Variants in TENM4 observed in about 807,000 individuals in gnomAD.
TENM4 encodes teneurin-4.
In TENM4, 82 loss-of-function variants were observed where a neutral mutation model predicts 243.3. The observed-to-expected ratio is 0.34, with a 90% CI of 0.28 to 0.40. The LOEUF (loss-of-function observed/expected upper bound fraction) is 0.40. Ranked by LOEUF, TENM4 falls within the 10% of genes least tolerant of loss-of-function variation. The probability of loss-of-function intolerance (pLI) is 1.00; values close to 1 mark genes in which losing one functional copy is unlikely to be tolerated. For missense variants in TENM4, 3,138 were observed against 3,673.3 expected (o/e 0.85, Z 3.77); for synonymous variants, 1,412 against 1,456.3 (o/e 0.97, Z 0.69).
chr11:79,016,623 C>T (rs11237687), intron 6 of TENM4, among the ~76,000 whole-genome samples: 22,695 of 152,018 alleles, frequency 0.15, 1,839 homozygotes, highest in Middle Eastern at 0.27. Context: ...AGCATGGAAA[C>T]GAGATTATCT....
rs182329937 is a variant in TENM4, at chr11:79,369,266, C to T, written c.-321+71243G>A. Among the ~76,000 whole-genome samples, 8 of 152,318 alleles carry T rather than the reference C, an allele frequency of 5.3e-5. No individual in the cohort carries two copies. In the East Asian group the frequency reaches 1.4e-3, roughly 26 times the overall value. On this transcript the variant is annotated intron_variant, in intron 1 of 33. Transcript: ENST00000278550. The stretch of plus-strand genomic sequence containing the variant: ...GCTTAAGAGCCTGGGCAAGGGTTTG[C>T]AGCACTTAACCTGCCAAAGCCTCTT...
At chr11:78,903,008 G>C (rs1474987793) in intron 7 of TENM4, among the ~76,000 whole-genome samples, 1 of 151,586 alleles carries the variant, frequency 6.6e-6, no homozygotes, top group Non-Finnish European at 1.5e-5. Flanking sequence ...GAGAGGCAAG[G>C]GGTTGGTGCG....
chr11:78,997,549 C>T (rs971841214), intron 6 of TENM4, among the ~76,000 whole-genome samples: 5 of 152,316 alleles, frequency 3.3e-5, no homozygotes, highest in African/African-American at 9.6e-5. Context: ...AGTAGGATGG[C>T]TGCAGGAGAA....
At chr11:79,049,649 G>T (rs1317985786) in intron 6 of TENM4, among the ~76,000 whole-genome samples, 2 of 152,246 alleles carry the variant, frequency 1.3e-5, no homozygotes, top group South Asian at 4.1e-4. Flanking sequence ...TGCCTAGATT[G>T]TATTATGCCT....
chr11:78,931,961 C>T (rs1276032656), intron 6 of TENM4, among the ~76,000 whole-genome samples: 1 of 152,160 alleles, frequency 6.6e-6, no homozygotes, highest in East Asian at 1.9e-4. Flanking sequence ...CCACTGCACT[C>T]CAGCCTGCGC....
At chr11:78,922,046 T>C (rs1856459846) in intron 6 of TENM4, among the ~76,000 whole-genome samples, 1 of 152,198 alleles carries the variant, frequency 6.6e-6, no homozygotes, top group Non-Finnish European at 1.5e-5. Context: ...ATATTGAATG[T>C]GATGAGGCTG....
At chr11:79,327,620 C>T (rs903328208) in intron 1 of TENM4, among the ~76,000 whole-genome samples, 4 of 145,214 alleles carry the variant, frequency 2.8e-5, no homozygotes, top group African/African-American at 7.7e-5. Context: ...TCACTTATAG[C>T]GAGATAAAGC....
intron 6 of TENM4, among the ~76,000 whole-genome samples, chr11:78,952,475 G>A (rs1403731076): frequency 6.6e-6 from 1 of 152,206 alleles, no homozygotes; most frequent in African/African-American, 2.4e-5. Flanking sequence ...TGGATTAAAG[G>A]GAGAGACAGG....
At chr11:78,947,681 A>G (rs530529479) in intron 6 of TENM4, among the ~76,000 whole-genome samples, 1 of 152,318 alleles carries the variant, frequency 6.6e-6, no homozygotes, top group African/African-American at 2.4e-5. Flanking sequence ...TACGAGGATC[A>G]CTTCTGGTGC....
At chr11:79,234,059 C>T (rs1026833588) in intron 2 of TENM4, among the ~76,000 whole-genome samples, 2 of 152,168 alleles carry the variant, frequency 1.3e-5, no homozygotes, top group Non-Finnish European at 2.9e-5. Context: ...ATGGCGTTTG[C>T]TACTCAACAG....
intron 12 of TENM4, among the ~76,000 whole-genome samples, chr11:78,819,692 C>T (rs1857684421): frequency 6.6e-6 from 1 of 152,210 alleles, no homozygotes; most frequent in Non-Finnish European, 1.5e-5. Flanking sequence ...TCTCTCCTTT[C>T]TGCTCACCCC....
At chr11:79,134,997 A>T (rs939353752) in intron 4 of TENM4, among the ~76,000 whole-genome samples, 1 of 152,000 alleles carries the variant, frequency 6.6e-6, no homozygotes, top group Admixed American at 6.6e-5. Flanking sequence ...AATAGCTGGG[A>T]CCTAATTAAA....
chr11:79,006,956 G>A (rs1394617729), intron 6 of TENM4, among the ~76,000 whole-genome samples: 1 of 152,138 alleles, frequency 6.6e-6, no homozygotes, highest in African/African-American at 2.4e-5. Flanking sequence ...CTTCATGTAG[G>A]TGGCCTTCAT....
At chr11:78,758,163 G>A (rs529360795) in intron 18 of TENM4, among the ~76,000 whole-genome samples, 1 of 152,306 alleles carries the variant, frequency 6.6e-6, no homozygotes, top group Non-Finnish European at 1.5e-5. Flanking sequence ...ATGTATTCCT[G>A]CCTGGGTTCA....
chr11:78,669,858 T>C lies in TENM4; in HGVS notation c.6487A>G (p.Met2163Val). The C allele has an allele frequency of 6.2e-7, 1 of 1,613,794 alleles. No homozygotes were observed. The highest frequency in any genetic ancestry group is 8.5e-7 in the Non-Finnish European group (1 of 1,179,818). The change falls in exon 32 of 34, where the codon ATG becomes GTG. Residue 2163 changes from methionine to valine, a missense_variant. Around this residue, in one of 2 missense-constraint regions of TENM4, gnomAD observed 2,467 missense variants for 3,059.1 expected, o/e 0.81. Coordinates refer to ENST00000278550, the MANE Select transcript of TENM4 (RefSeq NM_001098816.3). The surrounding 1 kb of genome is among the most constrained non-coding windows in gnomAD (Gnocchi z 6.4). ...TCATACTGGACGGTCATCCAGTACATGAGCGAGCGGAAGATCTCATACTGC... is the reference window on the plus strand; with the variant it reads ...TCATACTGGACGGTCATCCAGTACACGAGCGAGCGGAAGATCTCATACTGC... Reference protein sequence around the residue: ...EVQYEIFRSLMYWMTVQYDNM... With the variant: ...EVQYEIFRSLVYWMTVQYDNM...
intron 1 of TENM4, among the ~76,000 whole-genome samples, chr11:79,333,773 A>G (rs1857101834): frequency 3.9e-5 from 6 of 152,230 alleles, no homozygotes; most frequent in Admixed American, 3.9e-4. Context: ...TACATTTTGT[A>G]TTACTATTTG....
rs538339315 is a variant in TENM4, at chr11:79,313,362, C to T, written c.-320-15819G>A. Among the ~76,000 whole-genome samples, 149 of 152,310 alleles carry T rather than the reference C, an allele frequency of 9.8e-4. 2 individuals carry two copies. In the South Asian group the frequency reaches 0.013, roughly 13 times the overall value. On this transcript the variant is annotated intron_variant, in intron 1 of 33. Transcript: ENST00000278550. ...CCCCAACAAAGCATGCCAAAACACA[C>T]GCATCAGACTCTCCTTTCCTGCCAA... is the stretch of plus-strand genomic sequence containing the variant.
chr11:79,425,062 A>T (rs959580217), intron 1 of TENM4, among the ~76,000 whole-genome samples: 1 of 152,096 alleles, frequency 6.6e-6, no homozygotes, highest in African/African-American at 2.4e-5. Flanking sequence ...CTTTAACTGG[A>T]TCCTAAGTGC....
At chr11:79,082,560 C>G (rs983567825) in intron 4 of TENM4, among the ~76,000 whole-genome samples, 1 of 134,908 alleles carries the variant, frequency 7.4e-6, no homozygotes, top group African/African-American at 2.5e-5. Context: ...GCCCTGATAC[C>G]CCAGAAAAAT....
Sources: gnomAD v4.1 joint callset for allele counts (sites outside exome capture counted in the v4.1 genomes callset) on GRCh38, gnomAD v4.1.1 for gene constraint, gnomAD v4.1.1 regional missense constraint, Gnocchi (gnomAD v3.1) non-coding constraint, MANE v1.5 for transcripts, NCBI Gene and HGNC (gene_info 2026-07-23, HGNC 2026-07-21) for gene names.